The following RABGAP1L variants were observed in gnomAD, a reference collection of about 807,000 sequenced individuals.
RABGAP1L encodes the protein rab GTPase-activating protein 1-like.
Under a neutral mutation model 137.7 loss-of-function variants are expected in RABGAP1L, and 63 were observed. That is an observed-to-expected ratio of 0.46 (90% confidence interval 0.37 to 0.56). The LOEUF (loss-of-function observed/expected upper bound fraction) is 0.56, where lower values mean the gene tolerates loss of function less well. Among genes scored for constraint, RABGAP1L ranks in the 20% least tolerant of loss-of-function variants. The pLI is 0.00. For missense variants in RABGAP1L, 1,095 were observed against 1,244.0 expected, an observed-to-expected ratio of 0.88 and a Z score of 1.80; for synonymous variants, 431 against 433.7, an observed-to-expected ratio of 0.99 and a Z score of 0.08.
At chr1:174,211,860 A>G (rs1165402389) in intron 1 of RABGAP1L, among the ~76,000 whole-genome samples, 1 of 152,210 alleles carries the variant, frequency 6.6e-6, no homozygotes, top group African/African-American at 2.4e-5. Context: ...TGATTTTAAG[A>G]CAAAAACTAT....
chr1:174,500,068 G>T (rs1661115577), intron 13 of RABGAP1L, among the ~76,000 whole-genome samples: 1 of 151,234 alleles, frequency 6.6e-6, no homozygotes, highest in Non-Finnish European at 1.5e-5. Flanking sequence ...AATTACTTGT[G>T]GCAGGCTTCT....
At chr1:174,905,952 A>G (rs1460378831) in intron 19 of RABGAP1L, among the ~76,000 whole-genome samples, 1 of 152,222 alleles carries the variant, frequency 6.6e-6, no homozygotes, top group Non-Finnish European at 1.5e-5. Context: ...AAATTGCCTC[A>G]AAAGACCAAA....
At chr1:174,880,563 C>CCCTCCCTCCCTCTCTTCCTT (rs1654023997) in intron 19 of RABGAP1L, among the ~76,000 whole-genome samples, 1 of 144,302 alleles carries the variant, frequency 6.9e-6, no homozygotes, top group African/African-American at 2.5e-5. Flanking sequence ...CTTTCTCCCT[C>CCCTCCCTCCCTCTCTTCCTT]CCTCCCTCCC....
intron 17 of RABGAP1L, among the ~76,000 whole-genome samples, chr1:174,709,575 C>T (rs1259019283): frequency 6.6e-6 from 1 of 152,008 alleles, no homozygotes; most frequent in African/African-American, 2.4e-5. Flanking sequence ...AGCAGACCTG[C>T]AAAAAGGGCC....
At chr1:174,959,795 G>A (rs1354174843) in intron 20 of RABGAP1L, among the ~76,000 whole-genome samples, 1 of 152,078 alleles carries the variant, frequency 6.6e-6, no homozygotes, top group East Asian at 1.9e-4. Flanking sequence ...ACATCTTCAA[G>A]GTGGCAGTCA....
At chr1:174,735,764 T>C (rs914334369) in intron 17 of RABGAP1L, among the ~76,000 whole-genome samples, 1 of 151,844 alleles carries the variant, frequency 6.6e-6, no homozygotes, top group Non-Finnish European at 1.5e-5. Flanking sequence ...GTTTCAATCA[T>C]AGTGGAAGGT....
chr1:174,585,225 TG>T (rs1403714899), intron 13 of RABGAP1L, among the ~76,000 whole-genome samples: 1 of 152,218 alleles, frequency 6.6e-6, no homozygotes, highest in Non-Finnish European at 1.5e-5. Context: ...GTGGTTGTAT[TG>T]TATTTCTTTT....
At chr1:174,197,395 C>T (rs1418700168) in intron 1 of RABGAP1L, among the ~76,000 whole-genome samples, 6 of 136,046 alleles carry the variant, frequency 4.4e-5, no homozygotes, top group Non-Finnish European at 8.0e-5. Flanking sequence ...ATACACTGCC[C>T]GATCTTAATC....
chr1:174,837,337 A>G, intron 19 of RABGAP1L, among the ~76,000 whole-genome samples: 1 of 152,198 alleles, frequency 6.6e-6, no homozygotes, highest in Non-Finnish European at 1.5e-5. Flanking sequence ...AAATATTTTT[A>G]TGAGAAACTT....
chr1:174,465,743 G>A (rs1321284723), intron 13 of RABGAP1L, among the ~76,000 whole-genome samples: 1 of 152,154 alleles, frequency 6.6e-6, no homozygotes, highest in African/African-American at 2.4e-5. Context: ...CATGAACTTT[G>A]GTTTACAAAT....
intron 11 of RABGAP1L, among the ~76,000 whole-genome samples, chr1:174,329,234 T>G (rs1213691345): frequency 6.6e-6 from 1 of 152,084 alleles, no homozygotes. Context: ...TTGGATAACC[T>G]AGGAGAAATG....
chr1:174,969,193 T>G, intron 20 of RABGAP1L, 84 bp from the exon 21 acceptor site: 1 of 1,038,136 alleles, frequency 9.6e-7, no homozygotes. Context: ...AAGTTCACTT[T>G]GTTGCTTGTT....
At chr1:174,271,015 ATGAT>A (rs952438523) in intron 7 of RABGAP1L, among the ~76,000 whole-genome samples, 1 of 152,156 alleles carries the variant, frequency 6.6e-6, no homozygotes, top group Non-Finnish European at 1.5e-5. Context: ...AGTGAATTGC[ATGAT>A]TGATTATTAT....
chr1:174,820,816 A>G (rs1363809993), intron 19 of RABGAP1L, among the ~76,000 whole-genome samples: 5 of 152,166 alleles, frequency 3.3e-5, no homozygotes, highest in Non-Finnish European at 7.4e-5. Flanking sequence ...CAGGGCTTCA[A>G]GATGAGCCTG....
chr1:174,701,158 C>T (rs1161967573), intron 16 of RABGAP1L: 1 of 1,304,152 alleles, frequency 7.7e-7, no homozygotes, highest in Non-Finnish European at 1.0e-6. Flanking sequence ...AATAGCTATG[C>T]TAATACTTTG....
chr1:174,315,381 T>C (rs937179035), intron 11 of RABGAP1L, among the ~76,000 whole-genome samples: 12 of 152,142 alleles, frequency 7.9e-5, no homozygotes, highest in African/African-American at 2.9e-4. Context: ...CGTCTATATG[T>C]GTCCGTGTAG....
chr1:174,358,624 T>C (rs1312058589), intron 11 of RABGAP1L, among the ~76,000 whole-genome samples: 3 of 152,304 alleles, frequency 2.0e-5, no homozygotes, highest in Admixed American at 6.5e-5. Context: ...CTGTTTTACT[T>C]TGAGCATCTC....
chr1:174,232,579 C>T (rs539741014), intron 4 of RABGAP1L, among the ~76,000 whole-genome samples: 13 of 151,688 alleles, frequency 8.6e-5, no homozygotes, highest in Middle Eastern at 3.4e-3. Context: ...GTCAGGAGAT[C>T]GAGACCATCC....
intron 5 of RABGAP1L, among the ~76,000 whole-genome samples, chr1:174,248,702 A>G (rs1378474469): frequency 3.3e-5 from 5 of 152,180 alleles, no homozygotes; most frequent in Non-Finnish European, 7.4e-5. Flanking sequence ...TATGTGAATA[A>G]AACAAAGGAA....
Sources: gnomAD v4.1 joint callset for allele counts (sites outside exome capture counted in the v4.1 genomes callset) on GRCh38, gnomAD v4.1.1 for gene constraint, MANE v1.5 for transcripts, NCBI Gene and HGNC (gene_info 2026-07-23, HGNC 2026-07-21) for gene names.